Variants in RFPL1 observed in about 807,000 individuals in gnomAD.
RFPL1 encodes ret finger protein like 1, also known as ret finger protein-like 1.
RFPL1 carries 6 observed loss-of-function variants against 9.6 expected under a neutral mutation model. That is an observed-to-expected ratio of 0.62 (90% CI 0.34 to 1.23). RFPL1 has a LOEUF of 1.23. RFPL1 is among the 50% of genes most tolerant of loss of function. The pLI, the probability that RFPL1 is intolerant of heterozygous loss-of-function variation, is 0.03. For missense variants in RFPL1, 352 were observed against 398.4 expected (o/e 0.88, Z 0.99); for synonymous variants, 145 against 149.4 (o/e 0.97, Z 0.22).
At chr22:29,426,947 G>T in the RFPL1 span, among the ~76,000 whole-genome samples, 1 of 152,144 alleles carries the variant, frequency 6.6e-6, no homozygotes, top group Admixed American at 6.5e-5. Context: ...AGGTGGAGAC[G>T]AACGTGGTTC....
the RFPL1 span, among the ~76,000 whole-genome samples, chr22:29,431,323 A>T: frequency 1.2e-4 from 18 of 152,294 alleles, no homozygotes; most frequent in Non-Finnish European, 1.0e-4. Flanking sequence ...ACTTAGAGAG[A>T]CCCTGGGTCA....
chr22:29,406,735 C>T, the RFPL1 span, among the ~76,000 whole-genome samples: 1 of 152,212 alleles, frequency 6.6e-6, no homozygotes, highest in Non-Finnish European at 1.5e-5. Context: ...CTGCCAGCAA[C>T]ATGTCAAGCA....
chr22:29,401,290 T>G, the RFPL1 span, among the ~76,000 whole-genome samples: 1 of 152,208 alleles, frequency 6.6e-6, no homozygotes, highest in Admixed American at 6.5e-5. Flanking sequence ...GTATGTAAAT[T>G]TTAGGAAATT....
the RFPL1 span, among the ~76,000 whole-genome samples, chr22:29,407,762 A>T: frequency 3.3e-5 from 5 of 152,228 alleles, no homozygotes; most frequent in Non-Finnish European, 5.9e-5. Flanking sequence ...TATTATTAGT[A>T]TACTGTGACT....
At chr22:29,404,774 T>C in the RFPL1 span, among the ~76,000 whole-genome samples, 2 of 152,364 alleles carry the variant, frequency 1.3e-5, no homozygotes, top group African/African-American at 4.8e-5. Flanking sequence ...TCACCCAGGC[T>C]GGAGTGCAGT....
chr22:29,398,554 C>T, the RFPL1 span, among the ~76,000 whole-genome samples: 8 of 152,150 alleles, frequency 5.3e-5, no homozygotes, highest in African/African-American at 2.4e-5. Context: ...GGATCTAGAT[C>T]GGGACCCAGG....
At chr22:29,435,858 T>C (rs1047159859), upstream of RFPL1, among the ~76,000 whole-genome samples, 1 of 152,266 alleles carries the variant, frequency 6.6e-6, no homozygotes, top group African/African-American at 2.4e-5. Context: ...TCCATTTCCA[T>C]GATACATGCA....
At chr22:29,425,704 C>T in the RFPL1 span, among the ~76,000 whole-genome samples, 4 of 152,004 alleles carry the variant, frequency 2.6e-5, no homozygotes, top group Admixed American at 2.0e-4. Context: ...TGGTGGCTCA[C>T]GCCTGTAATC....
chr22:29,438,661 G>A (rs1459733913), exon 1 of RFPL1: 19 of 1,520,324 alleles, frequency 1.2e-5, no homozygotes, highest in Admixed American at 2.0e-5. Flanking sequence ...AGAGCACAGT[G>A]ATGATTCGTG....
chr22:29,396,668 G>A, the RFPL1 span, among the ~76,000 whole-genome samples: 4 of 152,196 alleles, frequency 2.6e-5, no homozygotes, highest in African/African-American at 9.6e-5. Flanking sequence ...AGGTTGGAGG[G>A]AGGTCTTACC....
the RFPL1 span, among the ~76,000 whole-genome samples, chr22:29,415,164 C>T: frequency 6.6e-6 from 1 of 152,048 alleles, no homozygotes; most frequent in African/African-American, 2.4e-5. Context: ...CCGGTCCTGT[C>T]AAGCAGCTCA....
At chr22:29,432,031 T>C in the RFPL1 span, among the ~76,000 whole-genome samples, 1 of 152,194 alleles carries the variant, frequency 6.6e-6, no homozygotes, top group Admixed American at 6.5e-5. Flanking sequence ...CTTTTTCTCA[T>C]ACCTCTTCAA....
At chr22:29,439,633 CA>C (rs67403671) in intron 1 of RFPL1, 20,714 of 148,774 alleles carry the variant, frequency 0.14, 3,125 homozygotes, top group East Asian at 0.37. Flanking sequence ...GACTCCGTCT[CA>C]AAAAAAAAAA....
At chr22:29,418,324 C>T in the RFPL1 span, among the ~76,000 whole-genome samples, 1 of 152,146 alleles carries the variant, frequency 6.6e-6, no homozygotes, top group East Asian at 1.9e-4. Context: ...CTACACACGA[C>T]CTGCTTTAGC....
the RFPL1 span, among the ~76,000 whole-genome samples, chr22:29,415,516 G>A: frequency 2.6e-5 from 4 of 152,364 alleles, no homozygotes; most frequent in Admixed American, 2.0e-4. Context: ...CAAGCTGGCC[G>A]GAGTCCCCTG....
At chr22:29,403,469 G>GCGGC in the RFPL1 span, among the ~76,000 whole-genome samples, 7 of 152,256 alleles carry the variant, frequency 4.6e-5, no homozygotes, top group South Asian at 1.4e-3. Flanking sequence ...AGACTGACCA[G>GCGGC]CGGCTGTGTG....
the RFPL1 span, among the ~76,000 whole-genome samples, chr22:29,431,095 G>T: frequency 2.0e-5 from 3 of 152,040 alleles, no homozygotes; most frequent in Admixed American, 1.3e-4. Flanking sequence ...AAAACCCCTT[G>T]TAAGTGGAGC....
upstream of RFPL1, among the ~76,000 whole-genome samples, chr22:29,436,078 G>T (rs1165828808): frequency 6.6e-6 from 1 of 151,926 alleles, no homozygotes; most frequent in Admixed American, 6.6e-5. Flanking sequence ...GGAGAGGTTG[G>T]TTATTGGATA....
upstream of RFPL1, chr22:29,437,230 C>A: frequency 6.3e-6 from 1 of 159,388 alleles, no homozygotes; most frequent in Admixed American, 6.2e-5. Flanking sequence ...ATAAAAATTC[C>A]CTAGAATTTC....
Sources: gnomAD v4.1 joint callset for allele counts (sites outside exome capture counted in the v4.1 genomes callset) on GRCh38, gnomAD v4.1.1 for gene constraint, MANE v1.5 for transcripts, NCBI Gene and HGNC (gene_info 2026-07-23, HGNC 2026-07-21) for gene names.